The following MCPH1 variants were observed in gnomAD, a reference collection of about 807,000 sequenced individuals.
The protein encoded by MCPH1 is microcephalin.
Under a neutral mutation model 84.5 loss-of-function variants are expected in MCPH1, and 104 were observed. The observed-to-expected ratio is 1.23, with a 90% confidence interval of 1.05 to 1.45. The LOEUF (loss-of-function observed/expected upper bound fraction) is 1.45. MCPH1 is among the 40% of genes most tolerant of loss of function. The pLI is 0.00. For missense variants in MCPH1, 1,498 were observed against 1,005.7 expected, an observed-to-expected ratio of 1.49 and a Z score of -6.62; for synonymous variants, 514 against 366.8, an observed-to-expected ratio of 1.40 and a Z score of -4.58.
chr8:6,455,334 C>T (rs1447460378), intron 9 of MCPH1, 82 bp downstream of exon 9: 1 of 991,814 alleles, frequency 1.0e-6, no homozygotes, highest in African/African-American at 1.6e-5. Context: ...AAACATAAAC[C>T]AGTCTATCTG....
intron 11 of MCPH1, among the ~76,000 whole-genome samples, chr8:6,498,985 G>A (rs1260328294): frequency 6.6e-6 from 1 of 152,042 alleles, no homozygotes; most frequent in East Asian, 1.9e-4. Flanking sequence ...CTGGGAGGTG[G>A]AGGTTGCAGT....
At chr8:6,468,923 T>G (rs1807345247) in intron 9 of MCPH1, among the ~76,000 whole-genome samples, 1 of 152,218 alleles carries the variant, frequency 6.6e-6, no homozygotes, top group South Asian at 2.1e-4. Context: ...GCACAGTGGC[T>G]CATGCTTGTA....
intron 10 of MCPH1, among the ~76,000 whole-genome samples, chr8:6,478,365 A>T (rs886763380): frequency 6.6e-5 from 10 of 152,358 alleles, no homozygotes; most frequent in African/African-American, 2.4e-4. Context: ...ATTTTTGTAA[A>T]TATATTATGA....
At chr8:6,583,644 G>A (rs572025326) in intron 12 of MCPH1, among the ~76,000 whole-genome samples, 1 of 152,318 alleles carries the variant, frequency 6.6e-6, no homozygotes, top group East Asian at 1.9e-4. Flanking sequence ...GCCTGGAGTA[G>A]TGAGGGCAAG....
chr8:6,563,843 GAGCT>G (rs1825895200), intron 12 of MCPH1, among the ~76,000 whole-genome samples: 1 of 152,088 alleles, frequency 6.6e-6, no homozygotes, highest in Non-Finnish European at 1.5e-5. Flanking sequence ...ATCAGTTTCT[GAGCT>G]CTGACCTTTA....
chr8:6,455,308 C>T (rs1244355395), intron 9 of MCPH1, 56 bp downstream of exon 9: 1 of 1,214,862 alleles, frequency 8.2e-7, no homozygotes, highest in Middle Eastern at 1.9e-4. Flanking sequence ...TCATAATGTT[C>T]TTCTCTGGGT....
At chr8:6,482,480 T>G (rs1809367437) in intron 11 of MCPH1, among the ~76,000 whole-genome samples, 1 of 152,258 alleles carries the variant, frequency 6.6e-6, no homozygotes, top group African/African-American at 2.4e-5. Context: ...CTGTGTTTTA[T>G]TTCTCTCCAA....
intron 12 of MCPH1, among the ~76,000 whole-genome samples, chr8:6,545,440 G>A (rs1822409864): frequency 6.6e-6 from 1 of 152,154 alleles, no homozygotes; most frequent in Non-Finnish European, 1.5e-5. Context: ...GTTACTATGG[G>A]TGGTTTTATT....
chr8:6,612,523 G>T (rs548705516), intron 12 of MCPH1, among the ~76,000 whole-genome samples: 2 of 152,318 alleles, frequency 1.3e-5, no homozygotes, highest in Admixed American at 6.5e-5. Context: ...CAGCACCGGT[G>T]CCTGCCCCGC....
intron 12 of MCPH1, among the ~76,000 whole-genome samples, chr8:6,596,471 G>A (rs1017679859): frequency 2.0e-5 from 3 of 152,190 alleles, no homozygotes; most frequent in African/African-American, 7.2e-5. Flanking sequence ...TCTAACGTAG[G>A]TATCTTATAA....
intron 13 of MCPH1, among the ~76,000 whole-genome samples, chr8:6,639,943 T>C (rs975243075): frequency 2.0e-5 from 3 of 152,124 alleles, no homozygotes; most frequent in African/African-American, 7.2e-5. Flanking sequence ...GTCACTATGT[T>C]GCCCAGGCTG....
At chr8:6,535,085 A>G (rs1421647434) in intron 12 of MCPH1, among the ~76,000 whole-genome samples, 1 of 152,226 alleles carries the variant, frequency 6.6e-6, no homozygotes, top group Non-Finnish European at 1.5e-5. Context: ...GCCCATACTC[A>G]GAAATAATAA....
chr8:6,552,776 G>A lies in MCPH1; in HGVS notation c.2214+52847G>A, dbSNP rs143103551. Among the ~76,000 whole-genome samples, 163 of 151,430 alleles carry A rather than the reference G, an allele frequency of 1.1e-3. 2 individuals carry two copies. The highest frequency in any genetic ancestry group is 3.7e-3 in the African/African-American group (154 of 41,200). On this transcript the variant is annotated intron_variant, in intron 12 of 13. Transcript: ENST00000344683. ...TGATTGTTTCGGCCAGTTAATTAAGGCAAGAGATCACTCAACAATTGTTCT... is the reference window on the plus strand; with the variant it reads ...TGATTGTTTCGGCCAGTTAATTAAGACAAGAGATCACTCAACAATTGTTCT...
chr8:6,499,685 CATTT>C, intron 11 of MCPH1, 163 bp from the exon 12 acceptor site: 1 of 620,442 alleles, frequency 1.6e-6, no homozygotes, highest in Non-Finnish European at 2.9e-6. Flanking sequence ...ATATTCATAA[CATTT>C]ATGCAACATG....
intron 12 of MCPH1, among the ~76,000 whole-genome samples, chr8:6,557,997 C>A (rs1032637163): frequency 6.6e-6 from 1 of 152,160 alleles, no homozygotes; most frequent in African/African-American, 2.4e-5. Context: ...CTGACTCCCT[C>A]ACAGGTGGTG....
intron 12 of MCPH1, among the ~76,000 whole-genome samples, chr8:6,543,708 A>G (rs1369745478): frequency 1.3e-5 from 2 of 152,164 alleles, no homozygotes; most frequent in East Asian, 1.9e-4. Context: ...TAGGAAGATA[A>G]TCTACCCCTT....
chr8:6,521,404 T>C, intron 12 of MCPH1: 1 of 1,607,652 alleles, frequency 6.2e-7, no homozygotes, highest in Non-Finnish European at 8.5e-7. Flanking sequence ...CCTTCTTTTC[T>C]AGGAAACTTG....
At chr8:6,446,854 G>A in intron 8 of MCPH1, 1 of 985,338 alleles carries the variant, frequency 1.0e-6, no homozygotes, top group South Asian at 4.7e-5. Context: ...CTCGGAAGCA[G>A]GTGTGTTATG....
chr8:6,484,435 G>A (rs577257468), intron 11 of MCPH1, among the ~76,000 whole-genome samples: 17 of 152,354 alleles, frequency 1.1e-4, no homozygotes, highest in African/African-American at 2.4e-4. Flanking sequence ...CTGCTGGTGT[G>A]TGTGGGAAGT....
Sources: gnomAD v4.1 joint callset for allele counts (sites outside exome capture counted in the v4.1 genomes callset) on GRCh38, gnomAD v4.1.1 for gene constraint, MANE v1.5 for transcripts, NCBI Gene and HGNC (gene_info 2026-07-23, HGNC 2026-07-21) for gene names.